Variants in PTP4A1 observed in about 807,000 individuals in gnomAD.
PTP4A1 encodes the protein protein tyrosine phosphatase 4A1.
PTP4A1 carries 9 observed loss-of-function variants against 20.5 expected under a neutral mutation model. The observed-to-expected ratio is 0.44, with a 90% confidence interval of 0.26 to 0.77. PTP4A1 has a LOEUF of 0.77. Ranked by LOEUF, PTP4A1 falls within the 30% of genes least tolerant of loss-of-function variation. The pLI is 0.19. For synonymous variants in PTP4A1, 78 were observed against 67.4 expected (o/e 1.16, Z -0.77); for missense variants, 137 against 218.8 (o/e 0.63, Z 2.36).
intron 2 of PTP4A1, among the ~76,000 whole-genome samples, chr6:63,531,589 A>G (rs1775468298): frequency 7.0e-6 from 1 of 143,108 alleles, no homozygotes; most frequent in Non-Finnish European, 1.5e-5. Flanking sequence ...TCCTGGACTC[A>G]GGCAATCTTC....
upstream of PTP4A1, among the ~76,000 whole-genome samples, chr6:63,521,162 T>C (rs1774912113): frequency 6.6e-6 from 1 of 151,988 alleles, no homozygotes; most frequent in African/African-American, 2.4e-5. Flanking sequence ...CAAACCACCA[T>C]GGTACATGTA....
chr6:63,549,665 T>C (rs923910802), intron 2 of PTP4A1, among the ~76,000 whole-genome samples: 8 of 151,882 alleles, frequency 5.3e-5, no homozygotes, highest in Non-Finnish European at 1.2e-4. Flanking sequence ...GTAACACGGA[T>C]AGAACTGGAG....
chr6:63,516,742 T>C, the PTP4A1 span, among the ~76,000 whole-genome samples: 85 of 152,314 alleles, frequency 5.6e-4, no homozygotes, highest in African/African-American at 2.0e-3. Context: ...TATGTGGCAA[T>C]GGCATGTGCT....
chr6:63,518,788 C>T (rs186386891), upstream of PTP4A1, among the ~76,000 whole-genome samples: 216 of 152,078 alleles, frequency 1.4e-3, no homozygotes, highest in African/African-American at 5.0e-3. Flanking sequence ...TGGGAAGTTG[C>T]TGAAAAGATA....
chr6:63,576,299 C>A (rs1041216933), intron 1 of PTP4A1, 137 bp from the exon 2 acceptor site: 1 of 383,286 alleles, frequency 2.6e-6, no homozygotes, highest in African/African-American at 2.1e-5. Flanking sequence ...TTTTGCAATT[C>A]AAGTAAAAGT....
rs527282058 is a variant in PTP4A1 at position 63,581,498 on chromosome 6, C to G, written c.*1324C>G. On this transcript the variant is annotated 3_prime_UTR_variant, in exon 6 of 6. Transcript: ENST00000626021. ...TAAAATTAACTTATTTTGTAGAAGACAAAATGAATTGCACTTCACTTAATG... is the reference window on the plus strand; with the variant it reads ...TAAAATTAACTTATTTTGTAGAAGAGAAAATGAATTGCACTTCACTTAATG... 1 of 152,570 alleles carries G rather than the reference C, an allele frequency of 6.6e-6. No homozygotes were observed. Among genetic ancestry groups the G allele is most frequent in the African/African-American group, 2.4e-5 (1 of 41,538 alleles). 9.5% of individuals were successfully genotyped at this position (152,570 alleles called of 1,614,324 possible).
chr6:63,570,516 G>A (rs1312437138), upstream of PTP4A1, among the ~76,000 whole-genome samples: 3 of 152,166 alleles, frequency 2.0e-5, no homozygotes, highest in Non-Finnish European at 4.4e-5. Flanking sequence ...TGGATACTTC[G>A]TGTCAGCACT....
intron 2 of PTP4A1, among the ~76,000 whole-genome samples, chr6:63,542,687 C>T (rs1463647107): frequency 6.6e-6 from 1 of 152,178 alleles, no homozygotes; most frequent in African/African-American, 2.4e-5. Context: ...ACCTGACACT[C>T]GCTGGTTTGT....
intron 2 of PTP4A1, among the ~76,000 whole-genome samples, chr6:63,531,607 A>G (rs938610855): frequency 5.6e-5 from 8 of 141,932 alleles, no homozygotes; most frequent in African/African-American, 2.1e-4. Flanking sequence ...TTCCTCTCTC[A>G]TCCTCCTGAG....
At chr6:63,548,113 A>C (rs1205210477) in intron 2 of PTP4A1, among the ~76,000 whole-genome samples, 2 of 152,292 alleles carry the variant, frequency 1.3e-5, no homozygotes, top group East Asian at 3.9e-4. Context: ...TAACCTCTTC[A>C]TGAAAGCCTT....
Position 63,545,308 on chromosome 6 carries a change from C to T in PTP4A1, c.-639-4992C>T, listed in dbSNP as rs555928113. On this transcript the variant is annotated intron_variant, in intron 2 of 3. Transcript: ENST00000639568. The stretch of plus-strand genomic sequence containing the variant: ...CCTTAATCTCTGGCTCAAGAAATCT[C>T]TGGGCGTGGAAATTTCTTAGGCTGG... Among the ~76,000 whole-genome samples the T allele has an allele frequency of 1.5e-4, 23 of 152,274 alleles. No homozygotes were observed. The East Asian group carries it at 3.1e-3, about 20-fold the overall frequency.
intron 2 of PTP4A1, among the ~76,000 whole-genome samples, chr6:63,548,340 T>A (rs543680857): frequency 1.2e-3 from 189 of 152,354 alleles, no homozygotes; most frequent in African/African-American, 4.3e-3. Context: ...ATCTACCTCA[T>A]GGGTTTGTTG....
chr6:63,544,620 G>C (rs962647624), intron 2 of PTP4A1, among the ~76,000 whole-genome samples: 4 of 152,058 alleles, frequency 2.6e-5, no homozygotes, highest in African/African-American at 7.2e-5. Flanking sequence ...TCTTAATAGT[G>C]GATCAGTTAT....
chr6:63,575,364 C>T (rs1238548805), intron 1 of PTP4A1, among the ~76,000 whole-genome samples: 1 of 152,138 alleles, frequency 6.6e-6, no homozygotes, highest in Non-Finnish European at 1.5e-5. Context: ...ACACAAGTAC[C>T]TTATAAACTA....
chr6:63,517,138 T>C (rs1232864748), upstream of PTP4A1, among the ~76,000 whole-genome samples: 6 of 152,196 alleles, frequency 3.9e-5, no homozygotes, highest in African/African-American at 7.2e-5. Flanking sequence ...ATCATGCTTA[T>C]TATTACTATT....
chr6:63,523,724 T>A (rs989194942), intron 1 of PTP4A1, among the ~76,000 whole-genome samples: 1 of 151,970 alleles, frequency 6.6e-6, no homozygotes, highest in Admixed American at 6.6e-5. Flanking sequence ...TTATAAGACT[T>A]TTTTTGCGAT....
intron 1 of PTP4A1, among the ~76,000 whole-genome samples, chr6:63,523,814 GA>G (rs1775044204): frequency 6.6e-6 from 1 of 152,078 alleles, no homozygotes; most frequent in Admixed American, 6.6e-5. Flanking sequence ...GTGGGGCCCG[GA>G]GAAGCCAAAA....
chr6:63,568,534 A>G (rs1392246948), upstream of PTP4A1, among the ~76,000 whole-genome samples: 2 of 152,226 alleles, frequency 1.3e-5, no homozygotes, highest in African/African-American at 4.8e-5. Flanking sequence ...TAATAATTTA[A>G]AAGTTTGAAA....
Position 63,572,604 on chromosome 6 carries a change from T to TCCGCCACGACCACCGCCGCC in PTP4A1, c.-560_-541dup, listed in dbSNP as rs1777525011. The TCCGCCACGACCACCGCCGCC allele has an allele frequency of 2.4e-6, 1 of 418,396 alleles. No individual in the cohort carries two copies. Among genetic ancestry groups the TCCGCCACGACCACCGCCGCC allele is most frequent in the African/African-American group, 2.1e-5 (1 of 48,612 alleles). The allele number at this position is 418,396 out of a possible 1,614,324, so 25.9% of individuals were successfully genotyped here. On this transcript the variant is annotated 5_prime_UTR_variant, in exon 1 of 6. It removes the in-frame stop codon of an upstream open reading frame in the 5' UTR. Coordinates refer to ENST00000626021, the MANE Select transcript of PTP4A1 (RefSeq NM_003463.5). ...CCGCCTGCATCGCCGCCACCGCCGC[T>TCCGCCACGACCACCGCCGCC]CCGCCACGACCACCGCCGCCTCCTG...
Sources: gnomAD v4.1 joint callset for allele counts (sites outside exome capture counted in the v4.1 genomes callset) on GRCh38, gnomAD v4.1.1 for gene constraint, MANE v1.5 for transcripts, NCBI Gene and HGNC (gene_info 2026-07-23, HGNC 2026-07-21) for gene names.